Variants in UBE3D observed in about 807,000 individuals in gnomAD.
The protein encoded by UBE3D is E3 ubiquitin-protein ligase E3D.
In UBE3D, 48 loss-of-function variants were observed where a neutral mutation model predicts 49.6. The observed-to-expected ratio is 0.97, with a 90% CI of 0.77 to 1.23. UBE3D has a LOEUF of 1.23. Among genes scored for constraint, UBE3D ranks in the 50% most tolerant of loss-of-function variants. UBE3D has a pLI of 0.00. For missense variants in UBE3D, 452 were observed against 468.4 expected (o/e 0.96, Z 0.32); for synonymous variants, 189 against 174.2 (o/e 1.08, Z -0.67).
intron 8 of UBE3D, among the ~76,000 whole-genome samples, chr6:82,963,960 G>A (rs74834603): frequency 0.016 from 2,433 of 152,196 alleles, 67 homozygotes; most frequent in African/African-American, 0.055. Context: ...AAGTCAATAA[G>A]AAAGATACTT....
At chr6:83,044,347 G>T in intron 4 of UBE3D, 81 bp downstream of exon 4, 1 of 1,348,964 alleles carries the variant, frequency 7.4e-7, no homozygotes, top group Non-Finnish European at 1.0e-6. Flanking sequence ...TATGTAACAA[G>T]CCCTTAATTA....
chr6:83,019,567 ACT>A (rs1360181542), intron 7 of UBE3D, among the ~76,000 whole-genome samples: 17 of 152,358 alleles, frequency 1.1e-4, no homozygotes, highest in African/African-American at 3.8e-4. Context: ...ATATAAAAGT[ACT>A]GATAACATCT....
chr6:82,966,183 T>G (rs1582490226), intron 8 of UBE3D, among the ~76,000 whole-genome samples: 1 of 152,140 alleles, frequency 6.6e-6, no homozygotes, highest in East Asian at 1.9e-4. Context: ...TGATTCCATT[T>G]ATATAAAATG....
intron 5 of UBE3D, among the ~76,000 whole-genome samples, chr6:83,026,769 T>C (rs1781490535): frequency 6.6e-6 from 1 of 152,046 alleles, no homozygotes; most frequent in African/African-American, 2.4e-5. Context: ...CACAGCTCAC[T>C]GTACCTCGAA....
intron 8 of UBE3D, among the ~76,000 whole-genome samples, chr6:82,972,678 T>C (rs2149533): frequency 0.054 from 8,281 of 152,306 alleles, 310 homozygotes; most frequent in Non-Finnish European, 0.085. Flanking sequence ...TAAATGTACA[T>C]AAAAATATAG....
Position 82,911,196 on chromosome 6 carries a change from C to CAAAAAAAAAAAAAAAAA in UBE3D, c.1150-18171_1150-18155dup, listed in dbSNP as rs1156620624. On this transcript the variant is annotated intron_variant, in intron 9 of 9. Coordinates refer to ENST00000369747, the MANE Select transcript of UBE3D (RefSeq NM_198920.3). The stretch of plus-strand genomic sequence containing the variant: ...GTAGGTCACAGCAAGAACATTTTGG[C>CAAAAAAAAAAAAAAAAA]AAAAAAAAAAAAAAAAAAAAAAAAA... Among the ~76,000 whole-genome samples, 3 of 39,340 alleles carry CAAAAAAAAAAAAAAAAA rather than the reference C, an allele frequency of 7.6e-5. 1 individual carries two copies. The highest frequency in any genetic ancestry group is 9.5e-5 in the Non-Finnish European group (2 of 21,122). 25.8% of individuals were successfully genotyped at this position (39,340 alleles called of 152,430 possible). A position where few individuals can be genotyped will look rare whatever the true frequency, so the allele number is the denominator to read the frequency against.
At chr6:82,975,916 C>T (rs1777683791) in intron 8 of UBE3D, among the ~76,000 whole-genome samples, 1 of 152,036 alleles carries the variant, frequency 6.6e-6, no homozygotes, top group Non-Finnish European at 1.5e-5. Flanking sequence ...AAATAAGTAA[C>T]ACAAATGACT....
chr6:82,935,314 C>T (rs965338895), intron 9 of UBE3D, among the ~76,000 whole-genome samples: 1 of 152,010 alleles, frequency 6.6e-6, no homozygotes, highest in Non-Finnish European at 1.5e-5. Flanking sequence ...CACCAAGGAG[C>T]TAGCCCATGC....
rs1772623671 is a variant in UBE3D, at chr6:82,912,792, T to C, written c.1150-19750A>G. 3.3e-5 allele frequency among the ~76,000 whole-genome samples: 5 copies of C among 152,204 alleles called. 1 individual carries two copies. In the South Asian group the frequency reaches 8.3e-4, roughly 25 times the overall value. ...CGTAGTCATCCTCTGGATGTATTCATTGGGTTCCTCCAATGTGTCAGGCAA... is the reference window on the plus strand; with the variant it reads ...CGTAGTCATCCTCTGGATGTATTCACTGGGTTCCTCCAATGTGTCAGGCAA... On this transcript the variant is annotated intron_variant, in intron 9 of 9. Coordinates refer to ENST00000369747, the MANE Select transcript of UBE3D (RefSeq NM_198920.3).
intron 8 of UBE3D, among the ~76,000 whole-genome samples, chr6:82,999,522 C>G (rs1298110960): frequency 6.6e-6 from 1 of 152,096 alleles, no homozygotes; most frequent in East Asian, 1.9e-4. Context: ...GTAGCTGGGA[C>G]TATAGGTGCA....
chr6:83,028,412 TAAAC>T (rs1226439474), intron 5 of UBE3D, among the ~76,000 whole-genome samples: 3 of 152,122 alleles, frequency 2.0e-5, no homozygotes, highest in Admixed American at 6.5e-5. Context: ...CAAGGTGAAA[TAAAC>T]AAAGTTCAAG....
chr6:82,946,808 CTTGT>C (rs1321929020), intron 9 of UBE3D, among the ~76,000 whole-genome samples: 3 of 151,516 alleles, frequency 2.0e-5, no homozygotes, highest in Non-Finnish European at 2.9e-5. Flanking sequence ...TTTCTTTTTG[CTTGT>C]TTGTTTATGC....
intron 8 of UBE3D, among the ~76,000 whole-genome samples, chr6:82,986,199 G>A (rs1029870208): frequency 6.6e-6 from 1 of 151,930 alleles, no homozygotes; most frequent in African/African-American, 2.4e-5. Context: ...AATGGCGGGC[G>A]TGGTGGCTCA....
chr6:82,916,976 C>T (rs1452939933), intron 9 of UBE3D, among the ~76,000 whole-genome samples: 1 of 152,140 alleles, frequency 6.6e-6, no homozygotes, highest in Non-Finnish European at 1.5e-5. Context: ...AAAACGGACA[C>T]TGATAATTTT....
intron 9 of UBE3D, among the ~76,000 whole-genome samples, chr6:82,935,025 C>A (rs941461952): frequency 7.2e-6 from 1 of 139,192 alleles, no homozygotes; most frequent in East Asian, 2.2e-4. Context: ...TAGTATTAGA[C>A]CATTCTTGCA....
intron 8 of UBE3D, among the ~76,000 whole-genome samples, chr6:82,978,747 A>G (rs1287931264): frequency 6.6e-6 from 1 of 152,220 alleles, no homozygotes; most frequent in African/African-American, 2.4e-5. Context: ...TTTTAAATAT[A>G]CAAAATACAC....
At chr6:82,952,773 T>C (rs1019233765) in intron 9 of UBE3D, among the ~76,000 whole-genome samples, 3 of 152,132 alleles carry the variant, frequency 2.0e-5, no homozygotes, top group African/African-American at 4.8e-5. Context: ...GAAGTCAACA[T>C]AGTCTCTGTA....
intron 5 of UBE3D, among the ~76,000 whole-genome samples, chr6:83,027,251 C>T (rs1415674894): frequency 6.6e-6 from 1 of 151,532 alleles, no homozygotes; most frequent in African/African-American, 2.4e-5. Context: ...GCCTGGCCAA[C>T]ATGGTAAAAC....
At position 82,901,497 on chromosome 6, in the gene UBE3D, T is replaced by C. The variant is rs115816367; in HGVS notation, c.1150-8455A>G. 2.8e-3 allele frequency among the ~76,000 whole-genome samples: 420 copies of C among 152,190 alleles called. 3 individuals carry two copies. Among genetic ancestry groups the C allele is most frequent in the African/African-American group, 9.7e-3 (401 of 41,520 alleles). Reference sequence around the variant, plus strand: ...TCTAGGGGTGGGGCCTAGCAAGGGGTGTTTTAATAGGTTGTCCAGGTGATT... The same window carrying C: ...TCTAGGGGTGGGGCCTAGCAAGGGGCGTTTTAATAGGTTGTCCAGGTGATT... On this transcript the variant is annotated intron_variant, in intron 9 of 9. Transcript: ENST00000369747.
Sources: allele counts gnomAD v4.1 joint callset (sites outside exome capture counted in the v4.1 genomes callset), GRCh38; gene constraint gnomAD v4.1.1; transcripts MANE v1.5; gene names NCBI Gene and HGNC (gene_info 2026-07-23, HGNC 2026-07-21).